The following DYRK1A variants were observed in gnomAD, a reference collection of about 807,000 sequenced individuals.
The protein encoded by DYRK1A is dual specificity tyrosine phosphorylation regulated kinase 1A.
In DYRK1A, 9 loss-of-function variants were observed where a neutral mutation model predicts 79.7. The observed-to-expected ratio is 0.11, with a 90% CI of 0.07 to 0.20. DYRK1A has a LOEUF of 0.20. Ranked by LOEUF, DYRK1A falls within the 10% of genes least tolerant of loss-of-function variation. The pLI is 1.00. For synonymous variants in DYRK1A, 349 were observed against 329.7 expected (o/e 1.06, Z -0.63); for missense variants, 622 against 956.0 (o/e 0.65, Z 4.61).
At chr21:37,438,483 G>A (rs1338730953) in intron 2 of DYRK1A, among the ~76,000 whole-genome samples, 1 of 152,148 alleles carries the variant, frequency 6.6e-6, no homozygotes, top group African/African-American at 2.4e-5. Context: ...TCCATTTGGA[G>A]TTAATGTTTG....
chr21:37,477,887 G>A lies in DYRK1A; in HGVS notation c.208-321G>A, dbSNP rs1216311657. ...TTTGGGCTAATTGTGTGGTAGAGAA[G>A]CCCTCGTGGGCAACATCCTGTGTGT... On this transcript the variant is annotated intron_variant, in intron 3 of 11. Coordinates refer to ENST00000647188, the MANE Select transcript of DYRK1A (RefSeq NM_001347721.2). Among the ~76,000 whole-genome samples the A allele has an allele frequency of 2.6e-5, 4 of 152,156 alleles. No individual in the cohort carries two copies. The East Asian group carries it at 7.7e-4, about 29-fold the overall frequency.
chr21:37,368,874 G>A (rs966388609), intron 1 of DYRK1A, among the ~76,000 whole-genome samples: 1 of 152,272 alleles, frequency 6.6e-6, no homozygotes, highest in African/African-American at 2.4e-5. Flanking sequence ...ATGTGTCCCC[G>A]TAAGGTTTTT....
At chr21:37,448,595 A>G (rs2051346505) in intron 2 of DYRK1A, among the ~76,000 whole-genome samples, 1 of 152,228 alleles carries the variant, frequency 6.6e-6, no homozygotes, top group African/African-American at 2.4e-5. Context: ...TATTTCTAGT[A>G]CAGGTCATGA....
intron 2 of DYRK1A, among the ~76,000 whole-genome samples, chr21:37,425,068 A>G (rs2050579728): frequency 6.6e-6 from 1 of 152,176 alleles, no homozygotes; most frequent in Non-Finnish European, 1.5e-5. Flanking sequence ...CCTTTTCCTA[A>G]TAGTTTGGAG....
intron 2 of DYRK1A, among the ~76,000 whole-genome samples, chr21:37,427,929 G>T (rs1311523803): frequency 1.3e-5 from 2 of 151,850 alleles, no homozygotes; most frequent in African/African-American, 4.8e-5. Flanking sequence ...ATATTTCTTT[G>T]GGGTTTTAAT....
In DYRK1A at chr21:37,452,254, CT is replaced by C. The variant is rs2051478066; in HGVS notation, c.11-20427del. 2.0e-5 allele frequency among the ~76,000 whole-genome samples: 3 copies of C among 150,914 alleles called. No individual in the cohort carries two copies. The South Asian group carries it at 6.3e-4, about 32-fold the overall frequency. ...TTATTGTAGGGGATTCCCCTGGCCC[CT>C]TTCTGGATTAAGATCTTGACAGAGC... On this transcript the variant is annotated intron_variant, in intron 2 of 11. Coordinates refer to ENST00000647188, the MANE Select transcript of DYRK1A (RefSeq NM_001347721.2).
At chr21:37,507,339 T>A (rs1418651093) in intron 11 of DYRK1A, among the ~76,000 whole-genome samples, 1 of 152,176 alleles carries the variant, frequency 6.6e-6, no homozygotes, top group Non-Finnish European at 1.5e-5. Context: ...CTCTCCTCTT[T>A]TGGCTTTTTC....
chr21:37,478,350 G>T, intron 4 of DYRK1A, 50 bp downstream of exon 4: 2 of 1,547,334 alleles, frequency 1.3e-6, no homozygotes, highest in Admixed American at 1.9e-5. Context: ...ATGTCATTGA[G>T]AAAAAAAGTG....
intron 1 of DYRK1A, chr21:37,368,247 A>T (rs947217657): frequency 2.0e-5 from 3 of 151,904 alleles, no homozygotes; most frequent in Non-Finnish European, 4.4e-5. Context: ...GGGTGGAGGG[A>T]TGACCTGCCC....
intron 1 of DYRK1A, among the ~76,000 whole-genome samples, chr21:37,394,226 CT>C (rs10593016): frequency 0.19 from 27,704 of 143,886 alleles, 2,800 homozygotes; most frequent in East Asian, 0.39. Flanking sequence ...TTTTTAAACC[CT>C]TTTTTTTTTT....
chr21:37,411,049 TAAAAAAAAA>T (rs35292922), intron 1 of DYRK1A, among the ~76,000 whole-genome samples: 667 of 56,448 alleles, frequency 0.012, 5 homozygotes, highest in Middle Eastern at 0.04. Context: ...ATTCTGTCTT[TAAAAAAAAA>T]AAAAAAAAAA....
chr21:37,381,452 TGTA>T (rs1411635845), intron 1 of DYRK1A, among the ~76,000 whole-genome samples: 2 of 152,152 alleles, frequency 1.3e-5, no homozygotes, highest in South Asian at 2.1e-4. Flanking sequence ...AGTGTATAAT[TGTA>T]GTAGTTTACT....
chr21:37,447,583 G>C (rs929482423), intron 2 of DYRK1A, among the ~76,000 whole-genome samples: 1 of 152,028 alleles, frequency 6.6e-6, no homozygotes, highest in South Asian at 2.1e-4. Context: ...TTCATCTTCC[G>C]CAAAGCCTAA....
chr21:37,511,816 T>TA lies in DYRK1A; in HGVS notation c.1645-94dup. 3 of 1,392,034 alleles carry TA rather than the reference T, an allele frequency of 2.2e-6. No individual in the cohort carries two copies. The South Asian group carries it at 4.1e-5, about 19-fold the overall frequency. 86.2% of individuals were successfully genotyped at this position (1,392,034 alleles called of 1,614,324 possible). On this transcript the variant is annotated intron_variant, in intron 11 of 11. Transcript: ENST00000647188. ...TCAAAAACCGTTTCCCCCTGATTAA[T>TA]ATGATGCTAGTTTGTTAGTGTCATG...
intron 1 of DYRK1A, among the ~76,000 whole-genome samples, chr21:37,372,798 G>T (rs1433599749): frequency 6.6e-6 from 1 of 151,978 alleles, no homozygotes; most frequent in East Asian, 1.9e-4. Context: ...TGTGATCCTA[G>T]CATAAATATT....
chr21:37,372,774 A>G (rs1275185200), intron 1 of DYRK1A, among the ~76,000 whole-genome samples: 1 of 152,062 alleles, frequency 6.6e-6, no homozygotes, highest in Non-Finnish European at 1.5e-5. Flanking sequence ...CCTCATCTTC[A>G]TTCATGCTCA....
At chr21:37,443,937 G>T (rs2051185986) in intron 2 of DYRK1A, among the ~76,000 whole-genome samples, 4 of 152,278 alleles carry the variant, frequency 2.6e-5, no homozygotes, top group Admixed American at 1.3e-4. Flanking sequence ...ACATTCTGAG[G>T]TACTGGGGTT....
At chr21:37,463,164 TGTGTGTGC>T (rs2051901135) in intron 2 of DYRK1A, among the ~76,000 whole-genome samples, 1 of 150,540 alleles carries the variant, frequency 6.6e-6, no homozygotes, top group South Asian at 2.1e-4. Context: ...TTGACAAGCT[TGTGTGTGC>T]ATGTGTGTGT....
intron 2 of DYRK1A, among the ~76,000 whole-genome samples, chr21:37,440,818 A>G (rs953311089): frequency 2.8e-4 from 42 of 152,276 alleles, no homozygotes; most frequent in African/African-American, 9.6e-4. Flanking sequence ...TGTACCCCAT[A>G]ATGTTGTCTA....
Sources: gnomAD v4.1 joint callset for allele counts (sites outside exome capture counted in the v4.1 genomes callset) on GRCh38, gnomAD v4.1.1 for gene constraint, MANE v1.5 for transcripts, NCBI Gene and HGNC (gene_info 2026-07-23, HGNC 2026-07-21) for gene names.